Variants in CLIP1 observed in about 807,000 individuals in gnomAD.
CLIP1 encodes the protein CAP-Gly domain-containing linker protein 1.
A neutral mutation model predicts 161.6 loss-of-function variants in CLIP1; 66 were observed. That is an observed-to-expected ratio of 0.41 (90% CI 0.33 to 0.50). The LOEUF is 0.50. Among genes scored for constraint, CLIP1 ranks in the 20% least tolerant of loss-of-function variants. CLIP1 has a pLI of 0.27. For synonymous variants in CLIP1, 598 were observed against 626.2 expected (o/e 0.96, Z 0.67); for missense variants, 1,376 against 1,702.0 (o/e 0.81, Z 3.37).
intron 20 of CLIP1, among the ~76,000 whole-genome samples, chr12:122,294,340 A>AC (rs1323272844): frequency 7.0e-6 from 1 of 143,368 alleles, no homozygotes; most frequent in Non-Finnish European, 1.6e-5. Flanking sequence ...AAAAAAAAAA[A>AC]AAACAAAAAA....
chr12:122,286,135 T>C (rs1955842145), intron 21 of CLIP1, among the ~76,000 whole-genome samples: 1 of 152,204 alleles, frequency 6.6e-6, no homozygotes, highest in Non-Finnish European at 1.5e-5. Flanking sequence ...AACTGCTGGA[T>C]AGGCTGTTGT....
chr12:122,332,000 A>T (rs117189363), intron 15 of CLIP1, among the ~76,000 whole-genome samples: 6,668 of 151,522 alleles, frequency 0.044, 199 homozygotes, highest in Non-Finnish European at 0.067. Flanking sequence ...ATCTCAAAAA[A>T]AAATAGTTAA....
intron 1 of CLIP1, among the ~76,000 whole-genome samples, chr12:122,411,880 T>C (rs543748200): frequency 1.3e-5 from 2 of 152,098 alleles, no homozygotes; most frequent in East Asian, 1.9e-4. Context: ...AATGAAAATA[T>C]AATAAAACTG....
At chr12:122,314,240 G>C (rs1317795903) in intron 19 of CLIP1, among the ~76,000 whole-genome samples, 3 of 148,148 alleles carry the variant, frequency 2.0e-5, no homozygotes, top group Non-Finnish European at 3.0e-5. Context: ...GCAGTGAGCC[G>C]AGACTGCACC....
chr12:122,379,152 A>C lies in CLIP1; in HGVS notation c.86-1192T>G, dbSNP rs12815990. On this transcript the variant is annotated intron_variant, in intron 2 of 25. Transcript: ENST00000620786. ...AAAAACAAAACAAAACCAAAAAAAAACAAAAATTAGCCAGGCATAGTGGTG... is the reference window on the plus strand; with the variant it reads ...AAAAACAAAACAAAACCAAAAAAAACCAAAAATTAGCCAGGCATAGTGGTG... Among the ~76,000 whole-genome samples the C allele has an allele frequency of 5.0e-3, 756 of 150,868 alleles. 6 individuals carry two copies. Among genetic ancestry groups the C allele is most frequent in the African/African-American group, 0.018 (721 of 41,044 alleles).
intron 20 of CLIP1, 24 bp downstream of exon 20, chr12:122,309,738 A>C: frequency 6.2e-7 from 1 of 1,611,592 alleles, no homozygotes; most frequent in Non-Finnish European, 8.5e-7. Flanking sequence ...GCACAGCTGG[A>C]ACCCCTCGCC....
intron 1 of CLIP1, among the ~76,000 whole-genome samples, chr12:122,407,117 C>A (rs1216442908): frequency 6.6e-6 from 1 of 152,126 alleles, no homozygotes; most frequent in Non-Finnish European, 1.5e-5. Context: ...GAAGAACTTA[C>A]TTAATGGGTC....
chr12:122,357,061 C>G (rs1190374153), intron 5 of CLIP1, among the ~76,000 whole-genome samples: 2 of 152,204 alleles, frequency 1.3e-5, no homozygotes, highest in African/African-American at 4.8e-5. Context: ...AGCCGCCACC[C>G]CGTCTGGGAA....
chr12:122,394,249 G>A (rs1955802911), intron 1 of CLIP1, among the ~76,000 whole-genome samples: 1 of 152,094 alleles, frequency 6.6e-6, no homozygotes, highest in Non-Finnish European at 1.5e-5. Flanking sequence ...CAGTACTTTG[G>A]GAGACTGAGG....
At chr12:122,356,773 G>A (rs1000743525) in intron 5 of CLIP1, among the ~76,000 whole-genome samples, 27 of 151,890 alleles carry the variant, frequency 1.8e-4, no homozygotes, top group African/African-American at 5.1e-4. Flanking sequence ...GAGTGCCTGC[G>A]ATTGCAGGCG....
At chr12:122,384,936 A>ATT (rs201805064) in intron 1 of CLIP1, among the ~76,000 whole-genome samples, 3,496 of 136,776 alleles carry the variant, frequency 0.026, 163 homozygotes, top group African/African-American at 0.089. Context: ...GTTGATGGTA[A>ATT]TTTTTTTTTT....
In CLIP1 at chr12:122,328,413, ATTC is replaced by A. The variant is rs1483008524; in HGVS notation, c.2878_2880del (p.Glu960del). ...TTAGCCTTTGTAAGTTTTAGCTGTA[ATTC>A]TTCTACATCTCTAGAAAAAGTTTCA... is the stretch of plus-strand genomic sequence containing the variant. On this transcript the variant is annotated inframe_deletion, in exon 16 of 26. Coordinates refer to ENST00000620786, the MANE Select transcript of CLIP1 (RefSeq NM_001247997.2). The A allele has an allele frequency of 3.8e-6, 6 of 1,594,448 alleles. No homozygotes were observed. The East Asian group carries it at 9.0e-5, about 24-fold the overall frequency.
chr12:122,303,879 G>A (rs1199234114), intron 20 of CLIP1, among the ~76,000 whole-genome samples: 1 of 152,128 alleles, frequency 6.6e-6, no homozygotes, highest in East Asian at 1.9e-4. Context: ...AGAAAGCTCT[G>A]CGATGCTTGA....
intron 23 of CLIP1, chr12:122,278,413 G>A (rs564399566): frequency 5.4e-5 from 32 of 590,822 alleles, no homozygotes; most frequent in African/African-American, 4.3e-4. Flanking sequence ...TGCCCTTCAC[G>A]TGCTCTCCCT....
intron 3 of CLIP1, among the ~76,000 whole-genome samples, chr12:122,369,889 A>G (rs1954349850): frequency 6.6e-6 from 1 of 151,850 alleles, no homozygotes; most frequent in African/African-American, 2.4e-5. Context: ...GGGGCCAGGC[A>G]TGGTGGCTCA....
chr12:122,318,271 A>G (rs1038382976), intron 18 of CLIP1, among the ~76,000 whole-genome samples: 1 of 152,188 alleles, frequency 6.6e-6, no homozygotes, highest in Non-Finnish European at 1.5e-5. Context: ...GTGGTGGCTC[A>G]TGCCTGTAAT....
chr12:122,341,016 C>T lies in CLIP1; in HGVS notation c.2188G>A (p.Asp730Asn), dbSNP rs149291259. The change falls in exon 11 of 26, where the codon GAC becomes AAC. Residue 730 changes from aspartate to asparagine, a missense_variant. Physicochemically the swap from Asp to Asn is conservative, Grantham distance 23. Transcript: ENST00000620786. ...GCTTCCTGTAATTTGTTTAACGTGTCTTCCATTTCTACGAGATGCTGGTCT... is the reference window on the plus strand; with the variant it reads ...GCTTCCTGTAATTTGTTTAACGTGTTTTCCATTTCTACGAGATGCTGGTCT... ...AEDQHLVEME[D>N]TLNKLQEAEI... 1.9e-6 allele frequency: 3 copies of T among 1,614,062 alleles called. No homozygotes were observed. The highest frequency in any genetic ancestry group is 2.5e-6 in the Non-Finnish European group (3 of 1,180,052).
At chr12:122,340,153 C>T (rs1422899057) in intron 11 of CLIP1, among the ~76,000 whole-genome samples, 1 of 151,582 alleles carries the variant, frequency 6.6e-6, no homozygotes, top group Non-Finnish European at 1.5e-5. Context: ...TCTCAGGTCA[C>T]TGCAACCTCC....
intron 1 of CLIP1, among the ~76,000 whole-genome samples, chr12:122,414,200 G>A (rs4758672): frequency 0.13 from 19,795 of 151,994 alleles, 1,667 homozygotes; most frequent in East Asian, 0.45. Flanking sequence ...GTGCAGTGGC[G>A]TGAACACAGC....
Sources: allele counts gnomAD v4.1 joint callset (sites outside exome capture counted in the v4.1 genomes callset), GRCh38; gene constraint gnomAD v4.1.1; transcripts MANE v1.5; gene names NCBI Gene and HGNC (gene_info 2026-07-23, HGNC 2026-07-21).